Variants in CHN2 observed in about 807,000 individuals in gnomAD.
CHN2 encodes beta-chimaerin.
CHN2 carries 35 observed loss-of-function variants against 56.3 expected under a neutral mutation model. The observed-to-expected ratio is 0.62, with a 90% CI of 0.47 to 0.82. CHN2 has a LOEUF of 0.82. Ranked by LOEUF, CHN2 falls within the 40% of genes least tolerant of loss-of-function variation. The pLI is 0.00. For synonymous variants in CHN2, 210 were observed against 212.8 expected, an observed-to-expected ratio of 0.99 and a Z score of 0.12; for missense variants, 491 against 580.5, an observed-to-expected ratio of 0.85 and a Z score of 1.58.
chr7:29,169,073 A>G (rs945562388), intron 2 of CHN2, among the ~76,000 whole-genome samples: 3 of 147,284 alleles, frequency 2.0e-5, no homozygotes, highest in Non-Finnish European at 4.4e-5. Context: ...TAATGGATAT[A>G]TAAGAAATTT....
chr7:29,379,602 G>T (rs904915064), intron 3 of CHN2, among the ~76,000 whole-genome samples: 3 of 152,158 alleles, frequency 2.0e-5, no homozygotes, highest in African/African-American at 7.2e-5. Context: ...TGTGTATATG[G>T]GTGTTTACTG....
intron 6 of CHN2, among the ~76,000 whole-genome samples, chr7:29,417,826 G>A (rs373515829): frequency 7.4e-4 from 113 of 152,272 alleles, no homozygotes; most frequent in African/African-American, 2.4e-3. Flanking sequence ...TACTAGTAAG[G>A]TATTGTAGAT....
intron 7 of CHN2, among the ~76,000 whole-genome samples, chr7:29,491,219 G>C (rs1369185019): frequency 6.6e-6 from 1 of 151,962 alleles, no homozygotes. Flanking sequence ...TGTTTTAGTT[G>C]TGTTTCTTGA....
At chr7:29,246,294 T>C (rs1788071786) in intron 1 of CHN2, among the ~76,000 whole-genome samples, 2 of 152,134 alleles carry the variant, frequency 1.3e-5, no homozygotes, top group African/African-American at 4.8e-5. Flanking sequence ...CTGGTCCTGC[T>C]CCACGTGGCT....
At chr7:29,234,297 C>G (rs187483329) in intron 1 of CHN2, among the ~76,000 whole-genome samples, 65 of 152,250 alleles carry the variant, frequency 4.3e-4, no homozygotes, top group Middle Eastern at 3.4e-3. Context: ...TGTTTGAGAT[C>G]ATGACACTAA....
At chr7:29,190,245 A>T, upstream of CHN2, among the ~76,000 whole-genome samples, 1 of 152,354 alleles carries the variant, frequency 6.6e-6, no homozygotes, top group Middle Eastern at 3.4e-3. Context: ...CAAAAGGACC[A>T]CTTTCAGGGT....
chr7:29,220,006 C>A (rs560094031), intron 1 of CHN2, among the ~76,000 whole-genome samples: 1 of 151,744 alleles, frequency 6.6e-6, no homozygotes, highest in Non-Finnish European at 1.5e-5. Context: ...ACCCAGGAGG[C>A]GGAGGTTGCA....
intron 6 of CHN2, among the ~76,000 whole-genome samples, chr7:29,428,442 T>C (rs1020041241): frequency 1.3e-5 from 2 of 152,170 alleles, no homozygotes; most frequent in African/African-American, 4.8e-5. Flanking sequence ...TATGGCTCTC[T>C]CTCTAAATCA....
At chr7:29,475,070 G>A (rs897653325) in intron 6 of CHN2, among the ~76,000 whole-genome samples, 6 of 152,038 alleles carry the variant, frequency 3.9e-5, no homozygotes, top group African/African-American at 1.4e-4. Flanking sequence ...CATTTTCCCA[G>A]GTCTTCCTGC....
chr7:29,471,352 TC>T (rs1434480351), intron 6 of CHN2, among the ~76,000 whole-genome samples: 8 of 152,308 alleles, frequency 5.3e-5, no homozygotes, highest in African/African-American at 1.9e-4. Flanking sequence ...TATTTCTATA[TC>T]TAAAAAGTCT....
At chr7:29,318,995 A>C (rs1795148884) in intron 1 of CHN2, among the ~76,000 whole-genome samples, 1 of 152,222 alleles carries the variant, frequency 6.6e-6, no homozygotes, top group Admixed American at 6.5e-5. Context: ...GCACACCGCA[A>C]GCTGACTTGT....
At chr7:29,217,847 G>A (rs1785458709) in intron 1 of CHN2, among the ~76,000 whole-genome samples, 1 of 152,124 alleles carries the variant, frequency 6.6e-6, no homozygotes. Context: ...ATCTGAATGT[G>A]AACTAATGCT....
intron 1 of CHN2, among the ~76,000 whole-genome samples, chr7:29,253,843 A>G (rs929531958): frequency 6.6e-6 from 1 of 152,200 alleles, no homozygotes; most frequent in African/African-American, 2.4e-5. Context: ...TAATTATATG[A>G]GTTAAATATT....
intron 6 of CHN2, among the ~76,000 whole-genome samples, chr7:29,417,038 G>A (rs1046932765): frequency 2.6e-5 from 4 of 152,094 alleles, no homozygotes; most frequent in Non-Finnish European, 4.4e-5. Context: ...TTTGCATGCC[G>A]CCGGGTAGCA....
intron 2 of CHN2, among the ~76,000 whole-genome samples, chr7:29,360,450 G>A (rs1024612118): frequency 2.0e-5 from 3 of 152,188 alleles, no homozygotes; most frequent in African/African-American, 7.2e-5. Context: ...AAGCCAGGAG[G>A]CAGAGGTTGT....
Position 29,384,466 on chromosome 7 carries a change from T to A in CHN2, c.145-9213T>A, listed in dbSNP as rs183031214. Among the ~76,000 whole-genome samples the A allele has an allele frequency of 2.8e-4, 43 of 152,240 alleles. No individual in the cohort carries two copies. In the East Asian group the frequency reaches 8.1e-3, roughly 29 times the overall value. ...GACTTGCTTGTTGGGAGACCTGAAA[T>A]ACCCACACTGAAGGCACTTGTTAAA... On this transcript the variant is annotated intron_variant, in intron 3 of 12. Coordinates refer to ENST00000222792, the MANE Select transcript of CHN2 (RefSeq NM_004067.4).
intron 4 of CHN2, among the ~76,000 whole-genome samples, chr7:29,393,948 G>A (rs1370133576): frequency 6.6e-6 from 1 of 152,162 alleles, no homozygotes; most frequent in Admixed American, 6.6e-5. Context: ...CCACAAAAGA[G>A]CTACTGAGTG....
rs184095218 is a variant in CHN2, at chr7:29,512,392, G to A, written c.1236-172G>A. On this transcript the variant is annotated intron_variant, in intron 12 of 12. Coordinates refer to ENST00000222792, the MANE Select transcript of CHN2 (RefSeq NM_004067.4). ...GAAGGCAATGTCAACAATTTAAAAC[G>A]AAAAATCAGTAAATTACCCTTCCAA... 5.7e-3 allele frequency among the ~76,000 whole-genome samples: 864 copies of A among 152,114 alleles called. 5 individuals are homozygous for A. Among genetic ancestry groups the A allele is most frequent in the African/African-American group, 0.019 (786 of 41,502 alleles).
At chr7:29,484,175 TTTCC>T (rs1287534304) in intron 7 of CHN2, among the ~76,000 whole-genome samples, 2 of 152,242 alleles carry the variant, frequency 1.3e-5, no homozygotes, top group Admixed American at 1.3e-4. Context: ...CTGATGGTTA[TTTCC>T]TTGAATGTAT....
Sources: allele counts gnomAD v4.1 joint callset (sites outside exome capture counted in the v4.1 genomes callset), GRCh38; gene constraint gnomAD v4.1.1; transcripts MANE v1.5; gene names NCBI Gene and HGNC (gene_info 2026-07-23, HGNC 2026-07-21).